The following HBG2 variants were observed in gnomAD, a reference collection of about 807,000 sequenced individuals.
HBG2 encodes hemoglobin subunit gamma 2.
For missense variants in HBG2, 59 were observed against 155.7 expected (o/e 0.38, Z 3.31); for synonymous variants, 25 against 63.2 (o/e 0.40, Z 2.87).
At position 5,253,412 on chromosome 11, in the gene HBG2, A is replaced by T; in HGVS notation, c.316-7T>A. ...CCAGCACATTTCCCAGGAGCTGTTGAGATGAAAGGAGACAATAAAGATGAA... is the reference window on the plus strand; with the variant it reads ...CCAGCACATTTCCCAGGAGCTGTTGTGATGAAAGGAGACAATAAAGATGAA... On this transcript the variant is annotated splice_region_variant and splice_polypyrimidine_tract_variant and intron_variant, in intron 2 of 2. Transcript: ENST00000336906. The T allele has an allele frequency of 6.2e-7, 1 of 1,611,756 alleles. No homozygotes were observed. The highest frequency in any genetic ancestry group is 1.1e-5 in the South Asian group (1 of 90,990).
rs372109248 is a variant in HBG2, at chr11:5,253,235, A to G, written c.*42T>C. 6 of 1,613,088 alleles carry G rather than the reference A, an allele frequency of 3.7e-6. No homozygotes were observed. Among genetic ancestry groups the G allele is most frequent in the Non-Finnish European group, 4.2e-6 (5 of 1,179,188 alleles). On this transcript the variant is annotated 3_prime_UTR_variant, in exon 3 of 3. Transcript: ENST00000336906. Reference sequence around the variant, plus strand: ...GATTTATTATTTGATTGCTTGCAGAATAAAGCCTATCCTTGAAAGCTCTGC... The same window carrying G: ...GATTTATTATTTGATTGCTTGCAGAGTAAAGCCTATCCTTGAAAGCTCTGC...
At chr11:5,254,122 C>T (rs1847988697) in intron 2 of HBG2, among the ~76,000 whole-genome samples, 170 bp downstream of exon 2, 1 of 152,022 alleles carries the variant, frequency 6.6e-6, no homozygotes, top group South Asian at 2.1e-4. Context: ...ACTCCTTAGG[C>T]CCTAAAACAT....
rs1554922324 is a variant in HBG2 at position 5,253,698 on chromosome 11, G to GCA, written c.316-295_316-294dup. ...CTCACACACACACAAACACACGCGC[G>GCA]CACACACACACACACACACACAGAG... is the stretch of plus-strand genomic sequence containing the variant. On this transcript the variant is annotated intron_variant, in intron 2 of 2. Transcript: ENST00000336906. 9.6e-3 allele frequency among the ~76,000 whole-genome samples: 1,292 copies of GCA among 134,364 alleles called. 17 individuals are homozygous for GCA. Among genetic ancestry groups the GCA allele is most frequent in the Middle Eastern group, 0.028 (7 of 254 alleles). 88.1% of individuals were successfully genotyped at this position (134,364 alleles called of 152,430 possible). A position where few individuals can be genotyped will look rare whatever the true frequency, so the allele number is the denominator to read the frequency against.
At chr11:5,254,265 C>T in intron 2 of HBG2, 27 bp downstream of exon 2, 7 of 1,614,150 alleles carry the variant, frequency 4.3e-6, no homozygotes, top group Non-Finnish European at 5.9e-6. Flanking sequence ...CTAAAGGCAA[C>T]AGTGCTGAAA....
chr11:5,253,784 T>C (rs956436176), intron 2 of HBG2, among the ~76,000 whole-genome samples: 78 of 151,512 alleles, frequency 5.1e-4, no homozygotes, highest in Non-Finnish European at 9.7e-4. Context: ...CTGGACATAC[T>C]TTGCCCCCAT....
chr11:5,253,225 T>G lies in HBG2; in HGVS notation c.*52A>C, dbSNP rs1413150600. On this transcript the variant is annotated 3_prime_UTR_variant, in exon 3 of 3. Coordinates refer to ENST00000336906, the MANE Select transcript of HBG2 (RefSeq NM_000184.3). The stretch of plus-strand genomic sequence containing the variant: ...TAGCAGAATAGATTTATTATTTGAT[T>G]GCTTGCAGAATAAAGCCTATCCTTG... 3 of 1,609,904 alleles carry G rather than the reference T, an allele frequency of 1.9e-6. No individual in the cohort carries two copies. In the African/African-American group the frequency reaches 4.0e-5, roughly 22 times the overall value.
rs201444721 is a variant in HBG2 at position 5,253,382 on chromosome 11, G to A, written c.339C>T (p.Thr113=). The A allele has an allele frequency of 1.2e-4, 188 of 1,612,892 alleles. No individual in the cohort carries two copies. Among genetic ancestry groups the A allele is most frequent in the Non-Finnish European group, 1.4e-4 (170 of 1,179,116 alleles). Residue 113 remains threonine, a synonymous_variant, in exon 3 of 3, where the codon ACC becomes ACT. Coordinates refer to ENST00000336906, the MANE Select transcript of HBG2 (RefSeq NM_000184.3). ...NFKLLGNVLV[T]VLAIHFGKEF... The stretch of plus-strand genomic sequence containing the variant: ...CTTTGCCGAAATGGATTGCCAAAAC[G>A]GTCACCAGCACATTTCCCAGGAGCT...
In HBG2 at chr11:5,254,277, A is replaced by T; in HGVS notation, c.315+15T>A. 4 of 1,614,268 alleles carry T rather than the reference A, an allele frequency of 2.5e-6. No homozygotes were observed. The highest frequency in any genetic ancestry group is 3.4e-6 in the Non-Finnish European group (4 of 1,180,034). ...AGACTAAAGGCAACAGTGCTGAAAC[A>T]TCTCCTGGACTCACCTTGAAGTTCT... On this transcript the variant is annotated intron_variant, in intron 2 of 2. Coordinates refer to ENST00000336906, the MANE Select transcript of HBG2 (RefSeq NM_000184.3).
intron 2 of HBG2, 37 bp from the exon 3 acceptor site, chr11:5,253,442 T>C (rs765486983): frequency 6.9e-6 from 11 of 1,588,458 alleles, no homozygotes; most frequent in African/African-American, 1.3e-5. Flanking sequence ...GATGAACCCA[T>C]AGTGAGCTGA....
intron 2 of HBG2, among the ~76,000 whole-genome samples, chr11:5,253,955 A>T (rs1275725198): frequency 1.3e-5 from 2 of 152,064 alleles, no homozygotes; most frequent in South Asian, 4.1e-4. Flanking sequence ...TAATGACCAT[A>T]CTTGTCCTGC....
chr11:5,253,973 T>C (rs1210640219), intron 2 of HBG2, among the ~76,000 whole-genome samples: 7 of 151,914 alleles, frequency 4.6e-5, no homozygotes, highest in Admixed American at 6.6e-5. Context: ...TGCCTCCAGA[T>C]AGATGTTTTA....
intron 2 of HBG2, among the ~76,000 whole-genome samples, chr11:5,254,074 T>C (rs1182824914): frequency 1.3e-5 from 2 of 151,888 alleles, no homozygotes; most frequent in Admixed American, 1.3e-4. Flanking sequence ...ACCTCTCTTT[T>C]CTCAAAGTCA....
chr11:5,253,267 G>T lies in HBG2; in HGVS notation c.*10C>A. On this transcript the variant is annotated 3_prime_UTR_variant, in exon 3 of 3. Coordinates refer to ENST00000336906, the MANE Select transcript of HBG2 (RefSeq NM_000184.3). ...CTATCCTTGAAAGCTCTGCATCATG[G>T]GCAGTGAGCTCAGTGGTATCTGGAG... 1 of 1,613,994 alleles carries T rather than the reference G, an allele frequency of 6.2e-7. No individual in the cohort carries two copies. The highest frequency in any genetic ancestry group is 1.1e-5 in the South Asian group (1 of 91,074).
chr11:5,253,550 T>G, intron 2 of HBG2, 145 bp from the exon 3 acceptor site: 2 of 1,085,346 alleles, frequency 1.8e-6, no homozygotes, highest in Non-Finnish European at 2.8e-6. Flanking sequence ...TGCTTTCCCA[T>G]TAAATGCAGG....
Position 5,254,457 on chromosome 11 carries a change from G to C in HBG2, c.150C>G (p.Ser50=). 1 of 1,614,182 alleles carries C rather than the reference G, an allele frequency of 6.2e-7. No homozygotes were observed. Among genetic ancestry groups the C allele is most frequent in the Non-Finnish European group, 8.5e-7 (1 of 1,180,022 alleles). The change falls in exon 2 of 3, where the codon TCC becomes TCG. Residue 50 remains serine, a synonymous_variant. Coordinates refer to ENST00000336906, the MANE Select transcript of HBG2 (RefSeq NM_000184.3). The part of the protein sequence containing the change: ...QRFFDSFGNL[S]SASAIMGNPK... ...GGTTGCCCATGATGGCAGAGGCAGA[G>C]GACAGGTTGCCAAAGCTGTCAAAGA...
At chr11:5,253,698 G>GCGCGCACACACACACACACACA (rs141297974) in intron 2 of HBG2, among the ~76,000 whole-genome samples, 2 of 134,556 alleles carry the variant, frequency 1.5e-5, no homozygotes, top group East Asian at 4.3e-4. Context: ...ACACACGCGC[G>GCGCGCACACACACACACACACA]CACACACACA....
In HBG2 at chr11:5,253,250, GA is replaced by G; in HGVS notation, c.*26del. On this transcript the variant is annotated 3_prime_UTR_variant, in exon 3 of 3. Coordinates refer to ENST00000336906, the MANE Select transcript of HBG2 (RefSeq NM_000184.3). Reference sequence around the variant, plus strand: ...TGCTTGCAGAATAAAGCCTATCCTTGAAAGCTCTGCATCATGGGCAGTGAGC... The same window carrying G: ...TGCTTGCAGAATAAAGCCTATCCTTGAAGCTCTGCATCATGGGCAGTGAGC... 1.2e-6 allele frequency: 2 copies of G among 1,613,804 alleles called. No homozygotes were observed. The highest frequency in any genetic ancestry group is 1.7e-6 in the Non-Finnish European group (2 of 1,179,748).
intron 2 of HBG2, 91 bp from the exon 3 acceptor site, chr11:5,253,496 C>T (rs1847976022): frequency 2.4e-6 from 3 of 1,254,180 alleles, no homozygotes; most frequent in Non-Finnish European, 3.5e-6. Context: ...CAAGCTTCCA[C>T]CCAGAATCAA....
At chr11:5,254,572 G>A (rs1894398) in intron 1 of HBG2, 58 bp from the exon 2 acceptor site, 720,630 of 1,532,034 alleles carry the variant, frequency 0.47, 174,652 homozygotes, top group East Asian at 0.74. Context: ...CCTGAGAAGC[G>A]ACCTGGACTT....
Sources: allele counts gnomAD v4.1 joint callset (sites outside exome capture counted in the v4.1 genomes callset), GRCh38; gene constraint gnomAD v4.1.1; transcripts MANE v1.5; gene names NCBI Gene and HGNC (gene_info 2026-07-23, HGNC 2026-07-21).